Variants in JAKMIP1 observed in about 807,000 individuals in gnomAD.
The protein encoded by JAKMIP1 is janus kinase and microtubule-interacting protein 1.
In JAKMIP1, 33 loss-of-function variants were observed where a neutral mutation model predicts 113.0. That is an observed-to-expected ratio of 0.29 (90% CI 0.22 to 0.39). The LOEUF (loss-of-function observed/expected upper bound fraction) is 0.39, where lower values mean the gene tolerates loss of function less well. Ranked by LOEUF, JAKMIP1 falls within the 10% of genes least tolerant of loss-of-function variation. The pLI is 1.00. For missense variants in JAKMIP1, 813 were observed against 1,080.5 expected, an observed-to-expected ratio of 0.75 and a Z score of 3.47; for synonymous variants, 480 against 459.9, an observed-to-expected ratio of 1.04 and a Z score of -0.56.
intron 1 of JAKMIP1, among the ~76,000 whole-genome samples, chr4:6,124,922 A>T (rs1717195031): frequency 6.6e-6 from 1 of 152,208 alleles, no homozygotes; most frequent in Non-Finnish European, 1.5e-5. Context: ...CAGGACTATG[A>T]GGCCAGCTGG....
chr4:6,130,189 G>A (rs1310302104), intron 1 of JAKMIP1, among the ~76,000 whole-genome samples: 1 of 152,246 alleles, frequency 6.6e-6, no homozygotes, highest in Non-Finnish European at 1.5e-5. Context: ...TATATAAGAG[G>A]AAGGGAGGCA....
chr4:6,042,081 T>TG lies in JAKMIP1; in HGVS notation c.2097+77dup. ...GCATGCAAATCATTAGGAAAACACA[T>TG]GCAAAGCCTTCCTGCAAATCAACCT... On this transcript the variant is annotated intron_variant, in intron 17 of 20. Transcript: ENST00000409021. This position sits in a 1 kb window ranked among gnomAD's most constrained non-coding sequence, Gnocchi z 5.2. 1.7e-6 allele frequency: 2 copies of TG among 1,197,678 alleles called. No homozygotes were observed. Among genetic ancestry groups the TG allele is most frequent in the Non-Finnish European group, 2.5e-6 (2 of 809,670 alleles). 74.2% of individuals were successfully genotyped at this position (1,197,678 alleles called of 1,614,324 possible).
In JAKMIP1 at chr4:6,140,296, T is replaced by C. The variant is rs2108959020; in HGVS notation, c.-147-27299A>G. Among the ~76,000 whole-genome samples, 1 of 151,366 alleles carries C rather than the reference T, an allele frequency of 6.6e-6. No individual in the cohort carries two copies. Among genetic ancestry groups the C allele is most frequent in the South Asian group, 2.1e-4 (1 of 4,752 alleles). On this transcript the variant is annotated intron_variant, in intron 1 of 20. Coordinates refer to ENST00000409021, the MANE Select transcript of JAKMIP1 (RefSeq NM_001099433.2). This position sits in a 1 kb window ranked among gnomAD's most constrained non-coding sequence, Gnocchi z 9.4. Reference sequence around the variant, plus strand: ...GGGGAGGGACTTTCACCAACATTTGTGTGATACACATCTTCCCACATAAAT... The same window carrying C: ...GGGGAGGGACTTTCACCAACATTTGCGTGATACACATCTTCCCACATAAAT...
rs145681896 is a variant in JAKMIP1, at chr4:6,089,443, A to T, written c.625-3814T>A. The stretch of plus-strand genomic sequence containing the variant: ...AGGTACTCATTTGTACTTAAGAGAC[A>T]CTCTCTGAGTCTTTAAAAGATCCTC... On this transcript the variant is annotated intron_variant, in intron 3 of 20. Coordinates refer to ENST00000409021, the MANE Select transcript of JAKMIP1 (RefSeq NM_001099433.2). The surrounding 1 kb of genome is among the most constrained non-coding windows in gnomAD (Gnocchi z 5.3). 4.0e-4 allele frequency among the ~76,000 whole-genome samples: 61 copies of T among 152,284 alleles called. No individual in the cohort carries two copies. The highest frequency in any genetic ancestry group is 1.4e-3 in the African/African-American group (59 of 41,560).
rs201856436 is a variant in JAKMIP1 at position 6,147,539 on chromosome 4, T to C, written c.-147-34542A>G. 4.6e-5 allele frequency among the ~76,000 whole-genome samples: 7 copies of C among 152,254 alleles called. No individual in the cohort carries two copies. In the East Asian group the frequency reaches 1.4e-3, roughly 29 times the overall value. On this transcript the variant is annotated intron_variant, in intron 1 of 20. Transcript: ENST00000409021. ...CATGTGGTCCTCAAGAGCCTCCCAT[T>C]GTGTCACTCCTATGACTAGATGGCT...
At chr4:6,107,504 T>G (rs1048939666) in intron 2 of JAKMIP1, among the ~76,000 whole-genome samples, 2 of 152,182 alleles carry the variant, frequency 1.3e-5, no homozygotes, top group Non-Finnish European at 2.9e-5. Context: ...CAGTAGACTC[T>G]GGGTGAAGCA....
rs1723936832 is a variant in JAKMIP1, at chr4:6,168,523, C to G, written c.-148+31730G>C. ...ATGAATGAACCTGGAAAACATTCCA[C>G]TAAATGAAGAAAGCCAGTCACAAAA... On this transcript the variant is annotated intron_variant, in intron 1 of 20. Transcript: ENST00000409021. The surrounding 1 kb of genome is among the most constrained non-coding windows in gnomAD (Gnocchi z 4.6). Among the ~76,000 whole-genome samples the G allele has an allele frequency of 6.6e-6, 1 of 152,158 alleles. No homozygotes were observed. Among genetic ancestry groups the G allele is most frequent in the African/African-American group, 2.4e-5 (1 of 41,432 alleles).
At position 6,197,139 on chromosome 4, in the gene JAKMIP1, G is replaced by A. The variant is rs1298758379; in HGVS notation, c.-148+3114C>T. Among the ~76,000 whole-genome samples the A allele has an allele frequency of 6.6e-6, 1 of 152,140 alleles. No homozygotes were observed. The highest frequency in any genetic ancestry group is 1.5e-5 in the Non-Finnish European group (1 of 68,030). On this transcript the variant is annotated intron_variant, in intron 1 of 20. Transcript: ENST00000409021. The surrounding 1 kb of genome is among the most constrained non-coding windows in gnomAD (Gnocchi z 6.5). ...TTAAGTGCTGATATTTCCTTACGTG[G>A]CCCTCATTCCCCTTATCCAGACAAA... is the stretch of plus-strand genomic sequence containing the variant.
intron 3 of JAKMIP1, among the ~76,000 whole-genome samples, chr4:6,085,883 C>T (rs1449360624): frequency 6.6e-6 from 1 of 152,220 alleles, no homozygotes; most frequent in African/African-American, 2.4e-5. Flanking sequence ...TGCATACTGA[C>T]ATCAGTGTAT....
intron 20 of JAKMIP1, among the ~76,000 whole-genome samples, chr4:6,028,431 G>C (rs1309491180): frequency 1.3e-5 from 2 of 152,230 alleles, no homozygotes; most frequent in Non-Finnish European, 2.9e-5. Context: ...GAGATGGGAA[G>C]GTGATTTCAT....
At chr4:6,182,350 A>G (rs547621736) in intron 1 of JAKMIP1, among the ~76,000 whole-genome samples, 2 of 151,430 alleles carry the variant, frequency 1.3e-5, no homozygotes, top group African/African-American at 4.9e-5. Flanking sequence ...TCAAAGCTGC[A>G]ATGAACAGTG....
intron 12 of JAKMIP1, chr4:6,054,616 C>T: frequency 2.3e-5 from 9 of 396,546 alleles, no homozygotes; most frequent in South Asian, 1.7e-4. Context: ...TGCTTCCCCA[C>T]AGAGCTTGCA....
Position 6,112,906 on chromosome 4 carries a change from C to A in JAKMIP1, c.-56G>T. On this transcript the variant is annotated 5_prime_UTR_variant, in exon 2 of 21. Transcript: ENST00000409021. Reference sequence around the variant, plus strand: ...TGCGGTCCACACCTGTTCACGCACGCCAGCCAGCAGGCGTGGCTACCAGCT... The same window carrying A: ...TGCGGTCCACACCTGTTCACGCACGACAGCCAGCAGGCGTGGCTACCAGCT... 1 of 1,581,480 alleles carries A rather than the reference C, an allele frequency of 6.3e-7. No individual in the cohort carries two copies. The highest frequency in any genetic ancestry group is 1.1e-5 in the South Asian group (1 of 88,588).
chr4:6,125,932 C>G, intron 1 of JAKMIP1, among the ~76,000 whole-genome samples: 1 of 65,652 alleles, frequency 1.5e-5, no homozygotes, highest in African/African-American at 5.3e-5. Flanking sequence ...TGCAGAAACA[C>G]ACACACACCA....
chr4:6,168,049 C>T lies in JAKMIP1; in HGVS notation c.-148+32204G>A, dbSNP rs1051821967. On this transcript the variant is annotated intron_variant, in intron 1 of 20. Coordinates refer to ENST00000409021, the MANE Select transcript of JAKMIP1 (RefSeq NM_001099433.2). The surrounding 1 kb of genome is among the most constrained non-coding windows in gnomAD (Gnocchi z 4.6). ...GAGCACCTGAAGAGACGCTCAACGT[C>T]ATCAGCCCTCAGGGTAATACCAATC... Among the ~76,000 whole-genome samples the T allele has an allele frequency of 1.3e-5, 2 of 152,182 alleles. No homozygotes were observed. Among genetic ancestry groups the T allele is most frequent in the African/African-American group, 4.8e-5 (2 of 41,458 alleles).
At chr4:6,175,162 C>G (rs533799786) in intron 1 of JAKMIP1, among the ~76,000 whole-genome samples, 4 of 152,094 alleles carry the variant, frequency 2.6e-5, no homozygotes, top group Non-Finnish European at 5.9e-5. Context: ...GGCAGCAACA[C>G]AGCACTGACA....
chr4:6,084,553 A>AT (rs957398907), intron 5 of JAKMIP1, among the ~76,000 whole-genome samples: 1 of 151,850 alleles, frequency 6.6e-6, no homozygotes, highest in Non-Finnish European at 1.5e-5. Flanking sequence ...TTAATTGTTG[A>AT]TTTTTTTCGG....
At chr4:6,161,443 A>G (rs1251976536) in intron 1 of JAKMIP1, among the ~76,000 whole-genome samples, 1 of 151,846 alleles carries the variant, frequency 6.6e-6, no homozygotes, top group East Asian at 1.9e-4. Flanking sequence ...AAGCTGGCCC[A>G]ATGGGAAGGT....
chr4:6,193,358 C>A lies in JAKMIP1; in HGVS notation c.-148+6895G>T, dbSNP rs1480243465. ...CCATCGTGAGACTTTACCTTGTGATCGGTGAGTCAATTCTCCTTAATAAAC... is the reference window on the plus strand; with the variant it reads ...CCATCGTGAGACTTTACCTTGTGATAGGTGAGTCAATTCTCCTTAATAAAC... On this transcript the variant is annotated intron_variant, in intron 1 of 20. Transcript: ENST00000409021. This position sits in a 1 kb window ranked among gnomAD's most constrained non-coding sequence, Gnocchi z 6.4. 6.6e-6 allele frequency among the ~76,000 whole-genome samples: 1 copy of A among 152,136 alleles called. No individual in the cohort carries two copies. Among genetic ancestry groups the A allele is most frequent in the Admixed American group, 6.5e-5 (1 of 15,286 alleles).
Sources: allele counts gnomAD v4.1 joint callset (sites outside exome capture counted in the v4.1 genomes callset), GRCh38; gene constraint gnomAD v4.1.1; non-coding constraint Gnocchi (gnomAD v3.1); transcripts MANE v1.5; gene names NCBI Gene and HGNC (gene_info 2026-07-23, HGNC 2026-07-21).